OR7C1: variants seen among roughly 807,000 people sequenced by gnomAD.
OR7C1 encodes olfactory receptor 7C1.
For missense variants in OR7C1, 324 were observed against 383.3 expected (o/e 0.85, Z 1.29); for synonymous variants, 152 against 160.7 (o/e 0.95, Z 0.41).
rs2044632694 is a variant in OR7C1 at position 14,799,948 on chromosome 19, GA to G, written c.188del (p.Leu63ProfsTer21). 1.9e-6 allele frequency: 3 copies of G among 1,614,050 alleles called. No individual in the cohort carries two copies. In the African/African-American group the frequency reaches 4.0e-5, roughly 22 times the overall value. On this transcript the variant is annotated frameshift_variant, in exon 5 of 5. Coordinates refer to ENST00000641666, the Ensembl canonical transcript of OR7C1. LOFTEE classifies it low-confidence loss of function (END_TRUNC). ...AGAGGTCAGCAAAAGACAGGTTGGA[GA>G]GGAAGAAGTACATGGGGGTGTGGAG...
At chr19:14,827,523 G>A in intron 1 of OR7C1, 1 of 1,614,166 alleles carries the variant, frequency 6.2e-7, no homozygotes, top group Non-Finnish European at 8.5e-7. Context: ...AGATGCACAG[G>A]TGGAAAATGC....
intron 1 of OR7C1, chr19:14,826,408 G>A (rs753641078): frequency 2.6e-5 from 4 of 152,176 alleles, no homozygotes; most frequent in African/African-American, 7.2e-5. Flanking sequence ...AGAAGGATTC[G>A]TATTTGTAGG....
At chr19:14,812,659 C>T (rs1218580258) in intron 1 of OR7C1, among the ~76,000 whole-genome samples, 1 of 151,888 alleles carries the variant, frequency 6.6e-6, no homozygotes, top group African/African-American at 2.4e-5. Flanking sequence ...TGATTAAAGC[C>T]ACTCCCTTCA....
chr19:14,810,382 T>G (rs201100539), intron 1 of OR7C1, among the ~76,000 whole-genome samples: 1 of 150,360 alleles, frequency 6.7e-6, no homozygotes, highest in East Asian at 2.0e-4. Context: ...GTTTTTTTTT[T>G]TTGTTTTTTG....
At position 14,803,684 on chromosome 19, in the gene OR7C1, C is replaced by T. The variant is rs2147646049; in HGVS notation, c.-434-2920G>A. Among the ~76,000 whole-genome samples the T allele has an allele frequency of 1.3e-5, 2 of 151,768 alleles. 1 individual carries two copies. Among genetic ancestry groups the T allele is most frequent in the Admixed American group, 1.3e-4 (2 of 15,250 alleles). Reference sequence around the variant, plus strand: ...CCTTACCAAGGACTTCCTTACCCTCCCTATCTACCTAAATAATAATAATAA... The same window carrying T: ...CCTTACCAAGGACTTCCTTACCCTCTCTATCTACCTAAATAATAATAATAA... On this transcript the variant is annotated intron_variant, in intron 2 of 4. Transcript: ENST00000641666.
Position 14,813,160 on chromosome 19 carries a change from C to T in OR7C1, c.-622-3167G>A, listed in dbSNP as rs530220085. On this transcript the variant is annotated intron_variant, in intron 1 of 4. Transcript: ENST00000641666. ...TTCAAACCAATATACCATATGAACA[C>T]AGATGCAGAAATTCTCAACAAAATT... 1.1e-3 allele frequency among the ~76,000 whole-genome samples: 163 copies of T among 151,312 alleles called. 3 individuals are homozygous for T. In the South Asian group the frequency reaches 0.031, roughly 29 times the overall value.
At chr19:14,825,361 G>C (rs1281271994) in intron 1 of OR7C1, 1 of 152,178 alleles carries the variant, frequency 6.6e-6, no homozygotes, top group African/African-American at 2.4e-5. Flanking sequence ...AATAAGCCTA[G>C]ACATCTAATG....
intron 1 of OR7C1, among the ~76,000 whole-genome samples, chr19:14,811,722 G>C (rs2044691733): frequency 6.6e-6 from 1 of 151,924 alleles, no homozygotes; most frequent in African/African-American, 2.4e-5. Context: ...ACAGGGAGCT[G>C]ATAATCACAG....
At chr19:14,804,887 T>C (rs1449559902) in intron 2 of OR7C1, among the ~76,000 whole-genome samples, 3 of 151,904 alleles carry the variant, frequency 2.0e-5, no homozygotes, top group Non-Finnish European at 4.4e-5. Flanking sequence ...ATAATTTTTT[T>C]TTGAGACAAG....
At chr19:14,814,573 A>C (rs111933371) in intron 1 of OR7C1, among the ~76,000 whole-genome samples, 7,231 of 152,056 alleles carry the variant, frequency 0.048, 580 homozygotes, top group African/African-American at 0.16. Flanking sequence ...AAAGGCACCC[A>C]CCACCATGCC....
chr19:14,801,783 C>T (rs1484439377), intron 2 of OR7C1, among the ~76,000 whole-genome samples: 1 of 152,214 alleles, frequency 6.6e-6, no homozygotes, highest in African/African-American at 2.4e-5. Flanking sequence ...TCCTTTTTCA[C>T]ATGGCAGCAG....
At chr19:14,832,586 C>T (rs2044844192) in intron 1 of OR7C1, among the ~76,000 whole-genome samples, 1 of 151,798 alleles carries the variant, frequency 6.6e-6, no homozygotes, top group Non-Finnish European at 1.5e-5. Flanking sequence ...GCCACAACAC[C>T]TGGCTAATTT....
chr19:14,803,473 A>G (rs1402293455), intron 2 of OR7C1, among the ~76,000 whole-genome samples: 1 of 151,942 alleles, frequency 6.6e-6, no homozygotes, highest in Non-Finnish European at 1.5e-5. Flanking sequence ...TGCAAGGAAA[A>G]GGGAAGATGG....
exon 5 of OR7C1, chr19:14,799,527 C>T: frequency 6.2e-7 from 1 of 1,614,110 alleles, no homozygotes; most frequent in Non-Finnish European, 8.5e-7. Context: ...CCCAGGACGC[C>T]AGTTGCAAAG....
chr19:14,805,163 AGCTTTGATCACTAC>A (rs986061527), intron 2 of OR7C1, among the ~76,000 whole-genome samples: 2 of 151,978 alleles, frequency 1.3e-5, no homozygotes, highest in Admixed American at 1.3e-4. Context: ...TTTCTTGTTC[AGCTTTGATCACTAC>A]GCTGCAGAAT....
chr19:14,810,180 T>A lies in OR7C1; in HGVS notation c.-622-187A>T, dbSNP rs181657158. On this transcript the variant is annotated intron_variant, in intron 1 of 4. Coordinates refer to ENST00000641666, the Ensembl canonical transcript of OR7C1. ...GGGCTCACCTTTGGGACTAGACACA[T>A]ATTCCTTTCTATTCGATGGTTTTCA... 2.1e-3 allele frequency among the ~76,000 whole-genome samples: 314 copies of A among 151,944 alleles called. 8 individuals are homozygous for A. Among genetic ancestry groups the A allele is most frequent in the African/African-American group, 6.9e-3 (284 of 41,252 alleles).
chr19:14,822,351 C>T (rs1030939463), intron 1 of OR7C1, among the ~76,000 whole-genome samples: 12 of 147,630 alleles, frequency 8.1e-5, no homozygotes, highest in Non-Finnish European at 1.5e-4. Context: ...TCTCCAGATC[C>T]TCATCAGCAC....
chr19:14,799,390 G>C lies in OR7C1; in HGVS notation c.747C>G (p.Thr249=), dbSNP rs763631408. Reference sequence around the variant, plus strand: ...CCCCAAAGCCCGTGCCATAGAACAAGGTGACCACTGAGAGGTGGGAACCAC... The same window carrying C: ...CCCCAAAGCCCGTGCCATAGAACAACGTGACCACTGAGAGGTGGGAACCAC... Residue 249 remains threonine (T), a synonymous_variant, in exon 5 of 5, where the codon ACC becomes ACG. Transcript: ENST00000641666. 1.8e-5 allele frequency: 29 copies of C among 1,614,174 alleles called. No individual in the cohort carries two copies. In the South Asian group the frequency reaches 2.9e-4, roughly 16 times the overall value.
At chr19:14,806,933 G>C (rs2044668801) in intron 2 of OR7C1, among the ~76,000 whole-genome samples, 1 of 151,882 alleles carries the variant, frequency 6.6e-6, no homozygotes, top group African/African-American at 2.4e-5. Context: ...TGGTATTTCT[G>C]GTTCTAGATC....
Sources: allele counts gnomAD v4.1 joint callset (sites outside exome capture counted in the v4.1 genomes callset), GRCh38; gene constraint gnomAD v4.1.1; transcripts MANE v1.5; gene names NCBI Gene and HGNC (gene_info 2026-07-23, HGNC 2026-07-21).